Variants in PHF21B observed in about 807,000 individuals in gnomAD.
PHF21B encodes the protein PHD finger protein 4.
Under a neutral mutation model 62.2 loss-of-function variants are expected in PHF21B, and 22 were observed. That is an observed-to-expected ratio of 0.35 (90% CI 0.25 to 0.51). PHF21B has a LOEUF of 0.51. PHF21B is among the 20% of genes least tolerant of loss of function. PHF21B has a pLI of 0.97. For synonymous variants in PHF21B, 341 were observed against 314.7 expected (o/e 1.08, Z -0.88); for missense variants, 701 against 707.9 (o/e 0.99, Z 0.11).
chr22:44,974,182 G>A (rs746242844), intron 2 of PHF21B, among the ~76,000 whole-genome samples: 25 of 152,150 alleles, frequency 1.6e-4, no homozygotes, highest in Admixed American at 4.6e-4. Flanking sequence ...GGGAGGCCGA[G>A]GCAGGTGGAT....
chr22:44,968,933 C>T (rs1346130231), intron 2 of PHF21B: 2 of 152,176 alleles, frequency 1.3e-5, no homozygotes, highest in South Asian at 4.1e-4. Context: ...ACTGGGGGCT[C>T]TCTGACTTGG....
chr22:44,934,108 C>G (rs1049461912), intron 2 of PHF21B, among the ~76,000 whole-genome samples: 1 of 152,326 alleles, frequency 6.6e-6, no homozygotes, highest in Non-Finnish European at 1.5e-5. Flanking sequence ...GGCAGCCCGT[C>G]CCCTCCTGGG....
At chr22:44,911,234 T>C (rs2071338702) in intron 5 of PHF21B, among the ~76,000 whole-genome samples, 1 of 152,182 alleles carries the variant, frequency 6.6e-6, no homozygotes, top group African/African-American at 2.4e-5. Flanking sequence ...TCAGAAAATG[T>C]GCAGCCTGAC....
In PHF21B at chr22:44,967,340, C is replaced by A. The variant is rs550090293; in HGVS notation, c.120+41205G>T. ...GGTTCATGCCATTCTCCTGCCTCAGCCTCCCGAGTAGCTGGGACTACAGGT... is the reference window on the plus strand; with the variant it reads ...GGTTCATGCCATTCTCCTGCCTCAGACTCCCGAGTAGCTGGGACTACAGGT... On this transcript the variant is annotated intron_variant, in intron 2 of 12. Coordinates refer to ENST00000313237, the MANE Select transcript of PHF21B (RefSeq NM_138415.5). 2.1e-4 allele frequency among the ~76,000 whole-genome samples: 32 copies of A among 151,896 alleles called. No individual in the cohort carries two copies. The South Asian group carries it at 6.2e-3, about 30-fold the overall frequency.
At chr22:44,991,306 A>G (rs1410422961) in intron 2 of PHF21B, among the ~76,000 whole-genome samples, 1 of 152,214 alleles carries the variant, frequency 6.6e-6, no homozygotes, top group African/African-American at 2.4e-5. Context: ...GGTGCAGTAC[A>G]GATTCTCCCA....
At chr22:44,936,292 G>T (rs2147351704) in intron 2 of PHF21B, among the ~76,000 whole-genome samples, 1 of 152,372 alleles carries the variant, frequency 6.6e-6, no homozygotes, top group Admixed American at 6.5e-5. Flanking sequence ...AGGGGAAGCT[G>T]CAGGTCCCGC....
At chr22:44,894,880 C>T (rs553937757) in intron 6 of PHF21B, among the ~76,000 whole-genome samples, 2 of 152,204 alleles carry the variant, frequency 1.3e-5, no homozygotes, top group Admixed American at 1.3e-4. Flanking sequence ...GCTTGCCCTG[C>T]TCCCACTTGC....
chr22:44,960,697 T>G (rs2072400932), intron 2 of PHF21B, among the ~76,000 whole-genome samples: 2 of 152,176 alleles, frequency 1.3e-5, no homozygotes, highest in Non-Finnish European at 1.5e-5. Flanking sequence ...CCCTCACCAG[T>G]GAATGAGGGT....
At chr22:44,889,932 AC>A in intron 8 of PHF21B, 150 bp from the exon 9 acceptor site, 2 of 717,826 alleles carry the variant, frequency 2.8e-6, no homozygotes, top group Non-Finnish European at 4.2e-6. Flanking sequence ...CTGGGCTCTC[AC>A]CCCAGGGCAT....
intron 2 of PHF21B, among the ~76,000 whole-genome samples, chr22:44,934,006 G>C (rs2071795392): frequency 6.6e-6 from 1 of 152,178 alleles, no homozygotes; most frequent in African/African-American, 2.4e-5. Context: ...GGACTTCCTG[G>C]TGAAAACTAA....
At chr22:44,888,248 A>G in intron 9 of PHF21B, 127 bp from the exon 10 acceptor site, 1 of 1,122,912 alleles carries the variant, frequency 8.9e-7, no homozygotes, top group Non-Finnish European at 1.2e-6. Flanking sequence ...AACGTTTCCC[A>G]GCAGCTCTAC....
intron 2 of PHF21B, among the ~76,000 whole-genome samples, chr22:44,946,373 T>G (rs1350395636): frequency 6.6e-6 from 1 of 152,160 alleles, no homozygotes; most frequent in East Asian, 1.9e-4. Flanking sequence ...TCTCGATCCC[T>G]CCTGCTGGGC....
rs957190751 is a variant in PHF21B, at chr22:44,916,205, C to T, written c.564+75G>A. 1.4e-5 allele frequency: 20 copies of T among 1,398,708 alleles called. No homozygotes were observed. In the Admixed American group the frequency reaches 2.4e-4, roughly 17 times the overall value. The allele number at this position is 1,398,708 out of a possible 1,614,324, so 86.6% of individuals were successfully genotyped here. A position where few individuals can be genotyped will look rare whatever the true frequency, so the allele number is the denominator to read the frequency against. Reference sequence around the variant, plus strand: ...TCCTGCCTGGGCTTGTTCATTTGGCCCTTCCCAAATGATTGCTCTCGGCCT... The same window carrying T: ...TCCTGCCTGGGCTTGTTCATTTGGCTCTTCCCAAATGATTGCTCTCGGCCT... On this transcript the variant is annotated intron_variant, in intron 4 of 12. Transcript: ENST00000313237.
chr22:44,982,198 G>T (rs1471088599), intron 2 of PHF21B, among the ~76,000 whole-genome samples: 1 of 152,218 alleles, frequency 6.6e-6, no homozygotes, highest in Non-Finnish European at 1.5e-5. Flanking sequence ...GGGGAACCCG[G>T]TGTCCCTGCC....
chr22:44,925,184 A>G (rs1276801876), intron 2 of PHF21B, among the ~76,000 whole-genome samples: 3 of 152,210 alleles, frequency 2.0e-5, no homozygotes, highest in African/African-American at 7.2e-5. Flanking sequence ...ACACCAGGAC[A>G]TTTTCAGGGA....
chr22:44,964,474 A>G (rs1220803461), intron 2 of PHF21B, among the ~76,000 whole-genome samples: 1 of 151,260 alleles, frequency 6.6e-6, no homozygotes, highest in African/African-American at 2.4e-5. Flanking sequence ...CCACTCCCAA[A>G]CCTCCGATCT....
At chr22:44,938,219 T>C (rs2071887245) in intron 2 of PHF21B, among the ~76,000 whole-genome samples, 1 of 150,528 alleles carries the variant, frequency 6.6e-6, no homozygotes, top group African/African-American at 2.5e-5. Flanking sequence ...GGATTACAGA[T>C]GCCTGCCACC....
chr22:44,886,780 C>T (rs963282032), intron 10 of PHF21B, among the ~76,000 whole-genome samples: 4 of 152,138 alleles, frequency 2.6e-5, no homozygotes, highest in African/African-American at 9.7e-5. Context: ...AGCCCCTGCC[C>T]ACCATATCCA....
At chr22:44,973,665 C>T (rs117993772) in intron 2 of PHF21B, among the ~76,000 whole-genome samples, 1 of 152,140 alleles carries the variant, frequency 6.6e-6, no homozygotes, top group East Asian at 1.9e-4. Flanking sequence ...TCCCACTGTG[C>T]TTGACTGGGG....
Sources: gnomAD v4.1 joint callset for allele counts (sites outside exome capture counted in the v4.1 genomes callset) on GRCh38, gnomAD v4.1.1 for gene constraint, MANE v1.5 for transcripts, NCBI Gene and HGNC (gene_info 2026-07-23, HGNC 2026-07-21) for gene names.